The following TRAPPC9 variants were observed in gnomAD, a reference collection of about 807,000 sequenced individuals.
TRAPPC9 encodes IKK2 binding protein.
In TRAPPC9, 83 loss-of-function variants were observed where a neutral mutation model predicts 124.0. The ratio of observed to expected loss-of-function variants is 0.67; its 90% CI spans 0.56 to 0.80. TRAPPC9 has a LOEUF of 0.80. TRAPPC9 is among the 30% of genes least tolerant of loss of function. TRAPPC9 has a pLI of 0.00. For synonymous variants in TRAPPC9, 638 were observed against 617.5 expected, an observed-to-expected ratio of 1.03 and a Z score of -0.49; for missense variants, 1,302 against 1,508.3, an observed-to-expected ratio of 0.86 and a Z score of 2.27.
intron 17 of TRAPPC9, among the ~76,000 whole-genome samples, chr8:140,065,499 G>T (rs1309550490): frequency 1.3e-5 from 2 of 152,208 alleles, no homozygotes; most frequent in African/African-American, 4.8e-5. Flanking sequence ...TTCAAAGCTT[G>T]AAAGAACAGG....
chr8:139,793,943 C>A (rs1391649811), intron 21 of TRAPPC9, among the ~76,000 whole-genome samples: 1 of 152,182 alleles, frequency 6.6e-6, no homozygotes, highest in African/African-American at 2.4e-5. Context: ...GAGCTCCCAG[C>A]TCCACCCCAC....
chr8:140,095,460 T>C (rs1156948311), intron 17 of TRAPPC9: 1 of 152,054 alleles, frequency 6.6e-6, no homozygotes, highest in African/African-American at 2.4e-5. Flanking sequence ...CAAGCAACAC[T>C]TCCCAGGGAG....
At chr8:139,735,097 G>A (rs1006599098) in intron 21 of TRAPPC9, among the ~76,000 whole-genome samples, 12 of 152,128 alleles carry the variant, frequency 7.9e-5, no homozygotes, top group Admixed American at 2.0e-4. Context: ...GCATCAAGAC[G>A]GGCTCTTTGT....
chr8:139,747,172 C>T (rs1347488149), intron 21 of TRAPPC9, among the ~76,000 whole-genome samples: 1 of 152,198 alleles, frequency 6.6e-6, no homozygotes, highest in Non-Finnish European at 1.5e-5. Flanking sequence ...AGCAAAGACT[C>T]TCGCCACCCA....
intron 17 of TRAPPC9, among the ~76,000 whole-genome samples, chr8:140,166,518 C>T (rs117743076): frequency 2.4e-4 from 37 of 152,214 alleles, no homozygotes; most frequent in East Asian, 2.3e-3. Context: ...GCAAGCAGTC[C>T]GACAGAATAT....
chr8:140,440,972 CT>C (rs60379205), intron 2 of TRAPPC9, among the ~76,000 whole-genome samples: 13,527 of 80,184 alleles, frequency 0.17, 806 homozygotes, highest in East Asian at 0.49. Context: ...AACACTGTTA[CT>C]TTTTTTTTTT....
intron 3 of TRAPPC9, among the ~76,000 whole-genome samples, chr8:140,437,946 A>G (rs1487162642): frequency 1.3e-5 from 2 of 152,230 alleles, no homozygotes; most frequent in African/African-American, 2.4e-5. Context: ...GCGGGGGATC[A>G]GAGATGGCTG....
intron 21 of TRAPPC9, among the ~76,000 whole-genome samples, chr8:139,760,465 A>C (rs996978006): frequency 6.6e-6 from 1 of 152,184 alleles, no homozygotes; most frequent in African/African-American, 2.4e-5. Context: ...GCAACTTGGC[A>C]AAGTAGCGAA....
intron 17 of TRAPPC9, among the ~76,000 whole-genome samples, chr8:140,154,150 G>C (rs1461693204): frequency 1.3e-5 from 2 of 152,064 alleles, no homozygotes; most frequent in Non-Finnish European, 2.9e-5. Context: ...AATAAAAAGA[G>C]AACACCTTTC....
At chr8:140,095,935 T>C (rs1844914790) in intron 17 of TRAPPC9, 1 of 152,238 alleles carries the variant, frequency 6.6e-6, no homozygotes, top group Admixed American at 6.5e-5. Context: ...CTTCCCAGCA[T>C]GTAACCCTGG....
At chr8:140,058,996 T>C (rs763444050) in intron 17 of TRAPPC9, among the ~76,000 whole-genome samples, 29 of 152,198 alleles carry the variant, frequency 1.9e-4, no homozygotes, top group Non-Finnish European at 3.8e-4. Flanking sequence ...ATGATTTCCA[T>C]ACAATAAAAC....
chr8:139,893,095 C>T (rs1469231442), intron 20 of TRAPPC9, among the ~76,000 whole-genome samples: 1 of 152,168 alleles, frequency 6.6e-6, no homozygotes, highest in African/African-American at 2.4e-5. Context: ...TAAGGATTTA[C>T]AAACCAAGAC....
At chr8:140,115,875 G>A (rs2060874824) in intron 17 of TRAPPC9, among the ~76,000 whole-genome samples, 1 of 152,148 alleles carries the variant, frequency 6.6e-6, no homozygotes, top group Non-Finnish European at 1.5e-5. Flanking sequence ...TCCAAGGGAC[G>A]GTGTGATGAG....
intron 18 of TRAPPC9, among the ~76,000 whole-genome samples, chr8:140,018,044 C>T (rs903891523): frequency 6.6e-5 from 10 of 152,052 alleles, no homozygotes; most frequent in Non-Finnish European, 7.4e-5. Flanking sequence ...TGGGTTTCAC[C>T]ATACTGGCCA....
intron 16 of TRAPPC9, among the ~76,000 whole-genome samples, chr8:140,233,605 TCCCTCCCTCTCTCCCC>T (rs1563868176): frequency 6.7e-5 from 2 of 29,886 alleles, no homozygotes; most frequent in Admixed American, 9.0e-4. Flanking sequence ...TCTCCCTCCC[TCCCTCCCTCTCTCCCC>T]ACCACACACA....
intron 17 of TRAPPC9, among the ~76,000 whole-genome samples, chr8:140,129,387 C>T (rs1489875583): frequency 2.6e-5 from 4 of 152,090 alleles, no homozygotes; most frequent in Admixed American, 2.0e-4. Flanking sequence ...GAGCAGGGTA[C>T]GGGGTCCTAG....
intron 10 of TRAPPC9, among the ~76,000 whole-genome samples, chr8:140,305,727 T>C (rs1047368675): frequency 7.2e-5 from 11 of 152,220 alleles, no homozygotes; most frequent in African/African-American, 2.7e-4. Flanking sequence ...AATGGTAAGG[T>C]GACATCTAAT....
rs750248641 is a variant in TRAPPC9, at chr8:140,397,734, C to T, written c.1020G>A (p.Ala340=). The T allele has an allele frequency of 8.7e-6, 14 of 1,614,114 alleles. No homozygotes were observed. The highest frequency in any genetic ancestry group is 2.2e-5 in the South Asian group (2 of 91,074). ...TGCACGCTTCCAACTCAATCACTCC[C>T]GCATTCTTATACTGCAGGGTGTAAA... The part of the protein sequence containing the change: ...AISYYSKYKN[A]GVIELEACIK... The change falls in exon 7 of 23, where the codon GCG becomes GCA. Residue 340 remains alanine, a synonymous_variant. Coordinates refer to ENST00000438773, the MANE Select transcript of TRAPPC9 (RefSeq NM_001160372.4).
rs140293116 is a variant in TRAPPC9 at position 140,077,312 on chromosome 8, T to C, written c.2557-53233A>G. Among the ~76,000 whole-genome samples the C allele has an allele frequency of 1.0e-3, 155 of 152,220 alleles. 6 individuals carry two copies. The East Asian group carries it at 0.027, about 27-fold the overall frequency. ...CACTTGTTCAACAGAAGATAATAAATAATGGTTGAGTAAATGAATAAATGG... is the reference window on the plus strand; with the variant it reads ...CACTTGTTCAACAGAAGATAATAAACAATGGTTGAGTAAATGAATAAATGG... On this transcript the variant is annotated intron_variant, in intron 17 of 22. Transcript: ENST00000438773.
Sources: allele counts gnomAD v4.1 joint callset (sites outside exome capture counted in the v4.1 genomes callset), GRCh38; gene constraint gnomAD v4.1.1; transcripts MANE v1.5; gene names NCBI Gene and HGNC (gene_info 2026-07-23, HGNC 2026-07-21).